Variants in PAN3 observed in about 807,000 individuals in gnomAD.
The protein encoded by PAN3 is PAN2-PAN3 deadenylation complex subunit PAN3.
PAN3 carries 19 observed loss-of-function variants against 96.2 expected under a neutral mutation model. That is an observed-to-expected ratio of 0.20 (90% CI 0.14 to 0.29). The LOEUF is 0.29. PAN3 is among the 10% of genes least tolerant of loss of function. The probability of loss-of-function intolerance (pLI) is 1.00; values close to 1 mark genes in which losing one functional copy is unlikely to be tolerated. For synonymous variants in PAN3, 433 were observed against 406.6 expected (o/e 1.06, Z -0.78); for missense variants, 882 against 1,108.1 (o/e 0.80, Z 2.90).
At chr13:28,205,889 C>T (rs192685599) in intron 5 of PAN3, among the ~76,000 whole-genome samples, 2 of 151,102 alleles carry the variant, frequency 1.3e-5, no homozygotes, top group Admixed American at 6.6e-5. Context: ...AAAAGAAATG[C>T]CTCATGTATC....
chr13:28,266,715 C>A lies in PAN3; in HGVS notation c.1412C>A (p.Ala471Glu). The A allele has an allele frequency of 6.4e-7, 1 of 1,563,924 alleles. No homozygotes were observed. The highest frequency in any genetic ancestry group is 8.6e-7 in the Non-Finnish European group (1 of 1,158,612). The stretch of plus-strand genomic sequence containing the variant: ...GTCATCTTCTTATGAATTACTCTAG[C>A]AGTTCCTACAGAGGTTGACAGCTAC... The part of the protein sequence containing the change: ...MAQIDQADMP[A>E]VPTEVDSYHS... The change falls in exon 10 of 19, where the codon GCA (alanine) becomes GAA (glutamate). Residue 471 changes from alanine (A) to glutamate (E), a missense_variant and splice_region_variant. Ala to Glu is a moderately radical substitution (Grantham distance 107). Transcript: ENST00000380958.
chr13:28,174,244 A>G (rs780812835), intron 1 of PAN3, 28 bp from the exon 2 acceptor site: 2 of 1,597,396 alleles, frequency 1.3e-6, no homozygotes, highest in South Asian at 1.1e-5. Flanking sequence ...AAATAATTTT[A>G]AATACTTGAA....
At chr13:28,146,713 C>T (rs558700288) in intron 1 of PAN3, among the ~76,000 whole-genome samples, 1 of 152,142 alleles carries the variant, frequency 6.6e-6, no homozygotes, top group Non-Finnish European at 1.5e-5. Context: ...CGCAGTGGCT[C>T]ACACCTGTAA....
chr13:28,243,233 A>G (rs1047560240), intron 6 of PAN3, among the ~76,000 whole-genome samples: 1 of 152,186 alleles, frequency 6.6e-6, no homozygotes, highest in Non-Finnish European at 1.5e-5. Context: ...TTCCCTATTT[A>G]GGATGATCTT....
chr13:28,240,202 G>C (rs1366126166), intron 6 of PAN3, among the ~76,000 whole-genome samples: 1 of 151,820 alleles, frequency 6.6e-6, no homozygotes, highest in Non-Finnish European at 1.5e-5. Flanking sequence ...AACTTTACAG[G>C]CTTTTAAAAA....
chr13:28,185,721 C>G (rs1009795164), intron 4 of PAN3, among the ~76,000 whole-genome samples: 3 of 151,992 alleles, frequency 2.0e-5, no homozygotes, highest in Non-Finnish European at 4.4e-5. Context: ...GTTGGCTGTA[C>G]TCATCATCTA....
intron 5 of PAN3, among the ~76,000 whole-genome samples, chr13:28,198,670 CA>C (rs1167440476): frequency 5.3e-5 from 8 of 151,944 alleles, no homozygotes; most frequent in African/African-American, 1.9e-4. Flanking sequence ...TTTTATTAAC[CA>C]AATTTCAATT....
At chr13:28,200,820 C>T (rs1033018582) in intron 5 of PAN3, among the ~76,000 whole-genome samples, 6 of 152,056 alleles carry the variant, frequency 3.9e-5, no homozygotes, top group East Asian at 1.9e-4. Context: ...TTGTAAAGTC[C>T]GCAGTCGGGA....
At chr13:28,275,784 A>G (rs111520231) in intron 14 of PAN3, among the ~76,000 whole-genome samples, 1,837 of 152,218 alleles carry the variant, frequency 0.012, 41 homozygotes, top group African/African-American at 0.042. Flanking sequence ...TCCTGACTCT[A>G]TCACCAGTGA....
intron 4 of PAN3, among the ~76,000 whole-genome samples, chr13:28,191,553 C>T (rs1241245906): frequency 6.6e-6 from 1 of 152,116 alleles, no homozygotes; most frequent in Non-Finnish European, 1.5e-5. Context: ...AAAGAATTAT[C>T]CAAAGTCAGT....
intron 1 of PAN3, among the ~76,000 whole-genome samples, chr13:28,161,097 ATGTC>A (rs997287662): frequency 1.3e-5 from 2 of 152,148 alleles, no homozygotes; most frequent in South Asian, 2.1e-4. Context: ...CTGTTTCAAA[ATGTC>A]TGAGCTTAAT....
intron 6 of PAN3, among the ~76,000 whole-genome samples, chr13:28,221,344 C>T (rs1249049982): frequency 4.3e-5 from 6 of 138,878 alleles, no homozygotes; most frequent in Admixed American, 6.9e-5. Context: ...TGGTCTTGGA[C>T]ATTAAAAAAA....
At chr13:28,241,262 C>CA (rs961409766) in intron 6 of PAN3, among the ~76,000 whole-genome samples, 1 of 151,584 alleles carries the variant, frequency 6.6e-6, no homozygotes, top group African/African-American at 2.4e-5. Context: ...AACGCTGTTT[C>CA]AAAAAAAGGA....
intron 3 of PAN3, 90 bp downstream of exon 3, chr13:28,176,649 T>C: frequency 8.1e-7 from 1 of 1,239,072 alleles, no homozygotes; most frequent in Non-Finnish European, 1.2e-6. Flanking sequence ...ATTTTGAAAA[T>C]TGTAAACGGG....
rs368796440 is a variant in PAN3 at position 28,165,450 on chromosome 13, G to GTTTA, written c.431-8821_431-8818dup. 2.6e-5 allele frequency among the ~76,000 whole-genome samples: 4 copies of GTTTA among 151,948 alleles called. No individual in the cohort carries two copies. The East Asian group carries it at 7.7e-4, about 29-fold the overall frequency. ...ATTTCTTTTAAAAATTTGAAAGACT[G>GTTTA]TTTAGTATAGTAGCAAGATCACTTT... On this transcript the variant is annotated intron_variant, in intron 1 of 18. Coordinates refer to ENST00000380958, the MANE Select transcript of PAN3 (RefSeq NM_175854.8).
At chr13:28,193,160 G>T (rs1877501854) in intron 4 of PAN3, among the ~76,000 whole-genome samples, 1 of 152,096 alleles carries the variant, frequency 6.6e-6, no homozygotes. Flanking sequence ...AGTCATCCTG[G>T]GCCTCTGGTT....
chr13:28,178,926 A>T (rs904858559), intron 4 of PAN3, among the ~76,000 whole-genome samples: 1 of 152,202 alleles, frequency 6.6e-6, no homozygotes, highest in Admixed American at 6.6e-5. Context: ...TTACATGTCA[A>T]TCAGACCTCA....
At chr13:28,156,992 CAAA>C (rs35448291) in intron 1 of PAN3, among the ~76,000 whole-genome samples, 1 of 18,448 alleles carries the variant, frequency 5.4e-5, no homozygotes, top group African/African-American at 1.7e-4. Flanking sequence ...GAGACCCTGT[CAAA>C]AAAAAAAAAA....
In PAN3 at chr13:28,271,848, G is replaced by A. The variant is rs45577540; in HGVS notation, c.1959-133G>A. 9.3e-3 allele frequency: 4,957 copies of A among 531,506 alleles called. 30 individuals carry two copies. Among genetic ancestry groups the A allele is most frequent in the Non-Finnish European group, 0.011 (3,457 of 312,054 alleles). 32.9% of individuals were successfully genotyped at this position (531,506 alleles called of 1,614,324 possible). On this transcript the variant is annotated intron_variant, in intron 13 of 18. Transcript: ENST00000380958. The stretch of plus-strand genomic sequence containing the variant: ...TAAAATGGTGGTTGGTGGAGGTGGT[G>A]TGGGGTAGGATGGAAGTTAAACTCA...
Sources: allele counts gnomAD v4.1 joint callset (sites outside exome capture counted in the v4.1 genomes callset), GRCh38; gene constraint gnomAD v4.1.1; transcripts MANE v1.5; gene names NCBI Gene and HGNC (gene_info 2026-07-23, HGNC 2026-07-21).